NFATC1: variants seen among roughly 807,000 people sequenced by gnomAD.
NFATC1 encodes the protein nuclear factor of activated T cells 1.
Under a neutral mutation model 76.0 loss-of-function variants are expected in NFATC1, and 22 were observed. The ratio of observed to expected loss-of-function variants is 0.29; its 90% confidence interval spans 0.21 to 0.41. The LOEUF is 0.41. Ranked by LOEUF, NFATC1 falls within the 10% of genes least tolerant of loss-of-function variation. The pLI, the probability that NFATC1 is intolerant of heterozygous loss-of-function variation, is 1.00. For synonymous variants in NFATC1, 704 were observed against 613.1 expected (o/e 1.15, Z -2.19); for missense variants, 1,357 against 1,337.7 (o/e 1.01, Z -0.23).
chr18:79,419,266 C>T (rs1246803929), intron 2 of NFATC1, among the ~76,000 whole-genome samples: 2 of 152,206 alleles, frequency 1.3e-5, no homozygotes, highest in Non-Finnish European at 2.9e-5. Context: ...TGAAGCAGTC[C>T]TCCCGACCTG....
At chr18:79,432,271 C>A (rs879449592) in intron 2 of NFATC1, among the ~76,000 whole-genome samples, 2 of 115,342 alleles carry the variant, frequency 1.7e-5, no homozygotes, top group Non-Finnish European at 3.7e-5. Flanking sequence ...GAGTCACAGG[C>A]CCTGTGTGGA....
chr18:79,424,913 C>T lies in NFATC1; in HGVS notation c.1227-8666C>T, dbSNP rs150994665. 2.1e-4 allele frequency among the ~76,000 whole-genome samples: 26 copies of T among 125,098 alleles called. 1 individual carries two copies. The highest frequency in any genetic ancestry group is 1.2e-3 in the East Asian group (6 of 5,102). The allele number at this position is 125,098 out of a possible 152,430, so 82.1% of individuals were successfully genotyped here. On this transcript the variant is annotated intron_variant, in intron 2 of 9. Coordinates refer to ENST00000427363, the MANE Select transcript of NFATC1 (RefSeq NM_001278669.2). ...CATCTCTGTTTCTCCATTTCTCTGT[C>T]GCTCTGTCTCTCTGTGTCTCTCTCT...
intron 6 of NFATC1, among the ~76,000 whole-genome samples, chr18:79,457,349 G>A (rs1041095100): frequency 3.3e-5 from 5 of 152,152 alleles, no homozygotes; most frequent in African/African-American, 9.7e-5. Flanking sequence ...TCATCAAGCC[G>A]CATTCTGGAT....
At chr18:79,475,435 C>T (rs1053733098) in intron 8 of NFATC1, among the ~76,000 whole-genome samples, 6 of 149,536 alleles carry the variant, frequency 4.0e-5, no homozygotes, top group East Asian at 3.9e-4. Context: ...CCGAGGGAAG[C>T]GTGTTCTCAC....
chr18:79,410,474 G>C lies in NFATC1; in HGVS notation c.199G>C (p.Ala67Pro). ...CCCCACGGCGCACTCCACCCTGCCG[G>C]CCCCGTGCCACAACCTTCAGACCTC... is the stretch of plus-strand genomic sequence containing the variant. Reference protein sequence around the residue: ...PLPTAHSTLPAPCHNLQTSTP... With the variant: ...PLPTAHSTLPPPCHNLQTSTP... The change falls in exon 2 of 10, where the codon GCC (alanine) becomes CCC (proline). Residue 67 changes from alanine to proline, a missense_variant. By Grantham distance (27) the Ala-to-Pro change is conservative. Coordinates refer to ENST00000427363, the MANE Select transcript of NFATC1 (RefSeq NM_001278669.2). The surrounding 1 kb of genome is among the most constrained non-coding windows in gnomAD (Gnocchi z 6.7). 1 of 1,612,214 alleles carries C rather than the reference G, an allele frequency of 6.2e-7. No individual in the cohort carries two copies. The highest frequency in any genetic ancestry group is 1.1e-5 in the South Asian group (1 of 91,062).
chr18:79,512,643 C>T (rs748260030), intron 9 of NFATC1, among the ~76,000 whole-genome samples: 8 of 152,328 alleles, frequency 5.3e-5, no homozygotes, highest in African/African-American at 7.2e-5. Flanking sequence ...CGGTGGGCCC[C>T]GTGTGCCTCC....
intron 7 of NFATC1, among the ~76,000 whole-genome samples, chr18:79,462,224 GT>G (rs2088144586): frequency 6.6e-6 from 1 of 152,202 alleles, no homozygotes; most frequent in Non-Finnish European, 1.5e-5. Flanking sequence ...ATGTGCTCAT[GT>G]TTAAAGTGGT....
chr18:79,502,925 T>C (rs2090043889), intron 9 of NFATC1, among the ~76,000 whole-genome samples: 1 of 152,226 alleles, frequency 6.6e-6, no homozygotes, highest in African/African-American at 2.4e-5. Flanking sequence ...TTAAAGAAAT[T>C]TCTTAGAAGA....
Position 79,527,561 on chromosome 18 carries a change from C to G in NFATC1, c.2816C>G (p.Thr939Arg), listed in dbSNP as rs149271669. ...NEIIRNDLSS[T>R]STHS ...ATAATACGAAATGACCTCTCCAGCA[C>G]GAGCACCCACTCCTAGTTGCCACAT... The change falls in exon 10 of 10, where the codon ACG becomes AGG. Residue 939 changes from threonine to arginine, a missense_variant. Physicochemically the swap from Thr to Arg is moderately conservative, Grantham distance 71. Transcript: ENST00000427363. 3 of 1,614,030 alleles carry G rather than the reference C, an allele frequency of 1.9e-6. No individual in the cohort carries two copies. Among genetic ancestry groups the G allele is most frequent in the South Asian group, 1.1e-5 (1 of 91,082 alleles).
rs2090810226 is a variant in NFATC1 at position 79,527,851 on chromosome 18, G to T, written c.*274G>T. Reference sequence around the variant, plus strand: ...AGCACGGGAGACCCACCGTGCAGGGGCCTTTCATGGGAACGGCCCACACGC... The same window carrying T: ...AGCACGGGAGACCCACCGTGCAGGGTCCTTTCATGGGAACGGCCCACACGC... On this transcript the variant is annotated 3_prime_UTR_variant, in exon 10 of 10. Coordinates refer to ENST00000427363, the MANE Select transcript of NFATC1 (RefSeq NM_001278669.2). The T allele has an allele frequency of 3.9e-6, 2 of 516,510 alleles. No individual in the cohort carries two copies. Among genetic ancestry groups the T allele is most frequent in the East Asian group, 5.8e-5 (2 of 34,758 alleles). 32.0% of individuals were successfully genotyped at this position (516,510 alleles called of 1,614,324 possible).
intron 2 of NFATC1, among the ~76,000 whole-genome samples, chr18:79,412,415 CT>C (rs1385746574): frequency 4.6e-5 from 7 of 151,570 alleles, no homozygotes; most frequent in Non-Finnish European, 8.8e-5. Flanking sequence ...GTATTCCAGG[CT>C]GGGTGTTTTC....
rs954805513 is a variant in NFATC1, at chr18:79,451,701, T to A, written c.1788T>A (p.Pro596=). Residue 596 remains proline, a synonymous_variant, in exon 6 of 10, where the codon CCT becomes CCA. Coordinates refer to ENST00000427363, the MANE Select transcript of NFATC1 (RefSeq NM_001278669.2). ...ECSQRSAQEL[P]LVEKQSTDSY... ...CCCAGCGCTCAGCTCAGGAGCTGCC[T>A]CTGGTGGAGAAGCAGAGCACGGACA... 2 of 1,611,990 alleles carry A rather than the reference T, an allele frequency of 1.2e-6. No individual in the cohort carries two copies. The highest frequency in any genetic ancestry group is 8.5e-7 in the Non-Finnish European group (1 of 1,179,260).
intron 9 of NFATC1, among the ~76,000 whole-genome samples, chr18:79,494,604 CG>C (rs2089815521): frequency 1.8e-5 from 1 of 54,872 alleles, no homozygotes; most frequent in Non-Finnish European, 3.3e-5. Flanking sequence ...CGCCCCCCAT[CG>C]ACCTGGTACC....
chr18:79,442,170 C>G (rs563437851), intron 3 of NFATC1, among the ~76,000 whole-genome samples: 1 of 152,310 alleles, frequency 6.6e-6, no homozygotes, highest in Admixed American at 6.5e-5. Flanking sequence ...TGGGGGAGGG[C>G]ACCAGTTCTC....
intron 1 of NFATC1, among the ~76,000 whole-genome samples, chr18:79,401,153 G>T (rs1218592851): frequency 6.6e-6 from 1 of 151,370 alleles, no homozygotes; most frequent in Non-Finnish European, 1.5e-5. Context: ...GCACCCCTGG[G>T]CCTGGGCCCC....
chr18:79,437,795 A>G (rs28505636), intron 3 of NFATC1, among the ~76,000 whole-genome samples: 41,491 of 152,096 alleles, frequency 0.27, 6,040 homozygotes, highest in African/African-American at 0.38. Context: ...AGCTGGAACC[A>G]GGAGTTCGCG....
intron 8 of NFATC1, among the ~76,000 whole-genome samples, chr18:79,471,506 C>T (rs879886823): frequency 2.0e-5 from 3 of 152,140 alleles, no homozygotes; most frequent in Non-Finnish European, 2.9e-5. Context: ...TGTCTGAAGT[C>T]GTTTTAGTCG....
At chr18:79,406,395 G>A (rs561841037) in intron 1 of NFATC1, among the ~76,000 whole-genome samples, 25 of 152,218 alleles carry the variant, frequency 1.6e-4, no homozygotes, top group South Asian at 1.0e-3. Context: ...GGATGCCTCC[G>A]AGAGGAAGTC....
At chr18:79,426,511 C>T (rs955068148) in intron 2 of NFATC1, among the ~76,000 whole-genome samples, 3 of 152,224 alleles carry the variant, frequency 2.0e-5, no homozygotes, top group Non-Finnish European at 4.4e-5. Context: ...TGTCGGGACT[C>T]GCAGGGCCTG....
Sources: gnomAD v4.1 joint callset for allele counts (sites outside exome capture counted in the v4.1 genomes callset) on GRCh38, gnomAD v4.1.1 for gene constraint, Gnocchi (gnomAD v3.1) non-coding constraint, MANE v1.5 for transcripts, NCBI Gene and HGNC (gene_info 2026-07-23, HGNC 2026-07-21) for gene names.